SERPINA11: variants seen among roughly 807,000 people sequenced by gnomAD.
SERPINA11 encodes the protein serpin family A member 11.
A neutral mutation model predicts 29.4 loss-of-function variants in SERPINA11; 28 were observed. The observed-to-expected ratio is 0.95, with a 90% CI of 0.70 to 1.30. The LOEUF (loss-of-function observed/expected upper bound fraction) is 1.30. Among genes scored for constraint, SERPINA11 ranks in the 50% most tolerant of loss-of-function variants. The pLI is 0.00. For missense variants in SERPINA11, 530 were observed against 507.3 expected, an observed-to-expected ratio of 1.04 and a Z score of -0.43; for synonymous variants, 253 against 206.6, an observed-to-expected ratio of 1.22 and a Z score of -1.92.
intron 1 of SERPINA11, among the ~76,000 whole-genome samples, chr14:94,452,062 G>A (rs189600030): frequency 2.0e-5 from 3 of 152,302 alleles, no homozygotes; most frequent in Admixed American, 6.5e-5. Flanking sequence ...TCAGCTCAAT[G>A]CCTGGTGGAG....
Position 94,448,684 on chromosome 14 carries a change from G to T in SERPINA11, c.91C>A (p.Gln31Lys). 1 of 1,554,870 alleles carries T rather than the reference G, an allele frequency of 6.4e-7. No homozygotes were observed. Among genetic ancestry groups the T allele is most frequent in the Non-Finnish European group, 8.7e-7 (1 of 1,151,870 alleles). ...PLLAHGDKSL[Q>K]GPQPPRHQLS... ...TGATGCCTGGGGGGTTGAGGCCCCT[G>T]CAGACTTTTATCTCCATGGGCAAGA... The change falls in exon 2 of 5, where the codon CAG (glutamine) becomes AAG (lysine). Residue 31 changes from glutamine (Q) to lysine (K), a missense_variant. Coordinates refer to ENST00000334708, the MANE Select transcript of SERPINA11 (RefSeq NM_001080451.2).
Position 94,449,405 on chromosome 14 carries a change from TATTCTTTCTTTCTTTC to T in SERPINA11, c.-3-644_-3-629del, listed in dbSNP as rs1257753924. On this transcript the variant is annotated intron_variant, in intron 1 of 4. Transcript: ENST00000334708. ...GCCTCCCTCCCTCTTTCTTTCTTTC[TATTCTTTCTTTCTTTC>T]TTTCTTTCTTTCTTTCTTTCTTTCT... Among the ~76,000 whole-genome samples, 75 of 55,274 alleles carry T rather than the reference TATTCTTTCTTTCTTTC, an allele frequency of 1.4e-3. 6 individuals are homozygous for T. The highest frequency in any genetic ancestry group is 3.6e-3 in the African/African-American group (69 of 18,980). 36.3% of individuals were successfully genotyped at this position (55,274 alleles called of 152,430 possible).
intron 1 of SERPINA11, among the ~76,000 whole-genome samples, chr14:94,449,664 G>T (rs1344036342): frequency 6.7e-6 from 1 of 149,488 alleles, no homozygotes; most frequent in Non-Finnish European, 1.5e-5. Context: ...TCAAGTATCT[G>T]CCTGGTCCAA....
At position 94,443,130 on chromosome 14, in the gene SERPINA11, A is replaced by C. The variant is rs751655275; in HGVS notation, c.1013T>G (p.Leu338Ter). ...PQIGLTNILNLEADFSGVTGQ... is the reference protein window; with the variant it reads ...PQIGLTNILN The stretch of plus-strand genomic sequence containing the variant: ...AGTGACTCCTGAGAAGTCAGCTTCT[A>C]AGTTGAGTATGTTGGTGAGACCAAT... The change falls in exon 4 of 5, where the codon TTA becomes TGA. Residue 338 changes from leucine (L) to a stop codon, truncating the protein, a stop_gained. Coordinates refer to ENST00000334708, the MANE Select transcript of SERPINA11 (RefSeq NM_001080451.2). LOFTEE classifies it high-confidence loss of function. 1 of 1,614,082 alleles carries C rather than the reference A, an allele frequency of 6.2e-7. No individual in the cohort carries two copies. The highest frequency in any genetic ancestry group is 8.5e-7 in the Non-Finnish European group (1 of 1,179,980).
At position 94,446,609 on chromosome 14, in the gene SERPINA11, G is replaced by A. The variant is rs369984611; in HGVS notation, c.644-5C>T. The A allele has an allele frequency of 3.1e-6, 5 of 1,611,318 alleles. No homozygotes were observed. In the African/African-American group the frequency reaches 6.7e-5, roughly 22 times the overall value. On this transcript the variant is annotated splice_polypyrimidine_tract_variant and splice_region_variant and intron_variant, in intron 2 of 4. Coordinates refer to ENST00000334708, the MANE Select transcript of SERPINA11 (RefSeq NM_001080451.2). ...TGAAAGGGTGCTTCCACTTGGCTTA[G>A]GACACAAAACCCATAAGGCCATGAG...
chr14:94,452,353 C>T (rs1227776389), intron 1 of SERPINA11, among the ~76,000 whole-genome samples: 1 of 152,104 alleles, frequency 6.6e-6, no homozygotes, highest in Non-Finnish European at 1.5e-5. Context: ...CTCCTAAGCA[C>T]CCTTTTCACA....
chr14:94,444,492 G>GA (rs1898400523), intron 3 of SERPINA11, among the ~76,000 whole-genome samples: 2 of 152,076 alleles, frequency 1.3e-5, no homozygotes, highest in African/African-American at 2.4e-5. Flanking sequence ...CTCCCTGAGG[G>GA]AAAATCTACT....
chr14:94,443,106 G>A lies in SERPINA11; in HGVS notation c.1037C>T (p.Thr346Ile). ...GGAGATGGTTTTGTTGAGCTGCCCAGTGACTCCTGAGAAGTCAGCTTCTAA... is the reference window on the plus strand; with the variant it reads ...GGAGATGGTTTTGTTGAGCTGCCCAATGACTCCTGAGAAGTCAGCTTCTAA... ...LNLEADFSGV[T>I]GQLNKTISKV... Residue 346 changes from threonine to isoleucine, a missense_variant, in exon 4 of 5, where the codon ACT becomes ATT. Transcript: ENST00000334708. 1 of 1,613,678 alleles carries A rather than the reference G, an allele frequency of 6.2e-7. No individual in the cohort carries two copies. The highest frequency in any genetic ancestry group is 8.5e-7 in the Non-Finnish European group (1 of 1,179,858).
chr14:94,451,234 A>G (rs376211087), intron 1 of SERPINA11, among the ~76,000 whole-genome samples: 36 of 152,220 alleles, frequency 2.4e-4, no homozygotes, highest in African/African-American at 8.4e-4. Context: ...GCCAAACGAC[A>G]AAGGCCAGGT....
intron 2 of SERPINA11, 132 bp downstream of exon 2, chr14:94,448,000 A>G: frequency 1.2e-6 from 1 of 863,918 alleles, no homozygotes; most frequent in Admixed American, 2.3e-5. Flanking sequence ...GTGGCTACGC[A>G]AGGGTGGGAA....
At chr14:94,450,696 A>C (rs1268326775) in intron 1 of SERPINA11, among the ~76,000 whole-genome samples, 2 of 152,226 alleles carry the variant, frequency 1.3e-5, no homozygotes, top group Non-Finnish European at 2.9e-5. Flanking sequence ...ATTTTAAGTT[A>C]CAAAATGTGC....
At chr14:94,445,232 C>G (rs28675004) in intron 3 of SERPINA11, among the ~76,000 whole-genome samples, 3,371 of 152,248 alleles carry the variant, frequency 0.022, 113 homozygotes, top group African/African-American at 0.072. Flanking sequence ...GCCCAGTTAA[C>G]CCATAGAACC....
Position 94,448,415 on chromosome 14 carries a change from C to G in SERPINA11, c.360G>C (p.Arg120=). The G allele has an allele frequency of 1.9e-6, 3 of 1,614,082 alleles. No homozygotes were observed. Among genetic ancestry groups the G allele is most frequent in the Non-Finnish European group, 2.5e-6 (3 of 1,180,016 alleles). The change falls in exon 2 of 5, where the codon CGG becomes CGC. Residue 120 remains arginine (R), a synonymous_variant. Transcript: ENST00000334708. ...GCAGGGCAAGGGTGTGGAGGAGGCT[C>G]CGGAAGCCCTGGTGGATGTCGGCTT... ...TPEADIHQGF[R]SLLHTLALPS...
At chr14:94,443,267 A>C in intron 3 of SERPINA11, 42 bp from the exon 4 acceptor site, 1 of 1,590,536 alleles carries the variant, frequency 6.3e-7, no homozygotes, top group South Asian at 1.2e-5. Context: ...TCTCTTGTTA[A>C]TATGTGCCAC....
At chr14:94,446,138 G>A (rs557237089) in intron 3 of SERPINA11, among the ~76,000 whole-genome samples, 193 bp downstream of exon 3, 1 of 152,274 alleles carries the variant, frequency 6.6e-6, no homozygotes, top group African/African-American at 2.4e-5. Flanking sequence ...ACCCAATGAG[G>A]CAGGTATCAT....
chr14:94,451,037 G>A (rs1474415188), intron 1 of SERPINA11, among the ~76,000 whole-genome samples: 1 of 152,170 alleles, frequency 6.6e-6, no homozygotes, highest in African/African-American at 2.4e-5. Context: ...CGCAGCAGCT[G>A]TGCACTGCTG....
intron 4 of SERPINA11, 105 bp from the exon 5 acceptor site, chr14:94,442,914 T>C (rs1420417556): frequency 4.0e-6 from 5 of 1,255,804 alleles, no homozygotes; most frequent in African/African-American, 3.0e-5. Flanking sequence ...GAAGGGGAGG[T>C]AGAGAAGGAA....
Position 94,442,798 on chromosome 14 carries a change from C to G in SERPINA11, c.1077G>C (p.Lys359Asn). 1 of 1,607,048 alleles carries G rather than the reference C, an allele frequency of 6.2e-7. No individual in the cohort carries two copies. The highest frequency in any genetic ancestry group is 8.5e-7 in the Non-Finnish European group (1 of 1,176,982). Reference protein sequence around the residue: ...LNKTISKVSHKAMVDMSEKGT... With the variant: ...LNKTISKVSHNAMVDMSEKGT... ...CCTTCTCACTCATGTCCACCATCGC[C>G]TTGTGTGACACCTAGAGGACAAGAG... is the stretch of plus-strand genomic sequence containing the variant. Residue 359 changes from lysine to asparagine, a missense_variant, in exon 5 of 5, where the codon AAG becomes AAC. Lys to Asn is a moderately conservative substitution (Grantham distance 94). Coordinates refer to ENST00000334708, the MANE Select transcript of SERPINA11 (RefSeq NM_001080451.2).
chr14:94,448,687 G>C lies in SERPINA11; in HGVS notation c.88C>G (p.Leu30Val). Residue 30 changes from leucine to valine, a missense_variant, in exon 2 of 5, where the codon CTG (leucine) becomes GTG (valine). Physicochemically the swap from Leu to Val is conservative, Grantham distance 32. Coordinates refer to ENST00000334708, the MANE Select transcript of SERPINA11 (RefSeq NM_001080451.2). ...TGCCTGGGGGGTTGAGGCCCCTGCAGACTTTTATCTCCATGGGCAAGAAGG... is the reference window on the plus strand; with the variant it reads ...TGCCTGGGGGGTTGAGGCCCCTGCACACTTTTATCTCCATGGGCAAGAAGG... ...QPLLAHGDKS[L>V]QGPQPPRHQL... 2 of 1,550,908 alleles carry C rather than the reference G, an allele frequency of 1.3e-6. No homozygotes were observed. Among genetic ancestry groups the C allele is most frequent in the Non-Finnish European group, 1.7e-6 (2 of 1,150,246 alleles).
Sources: allele counts gnomAD v4.1 joint callset (sites outside exome capture counted in the v4.1 genomes callset), GRCh38; gene constraint gnomAD v4.1.1; transcripts MANE v1.5; gene names NCBI Gene and HGNC (gene_info 2026-07-23, HGNC 2026-07-21).